Variants in SPHKAP observed in about 807,000 individuals in gnomAD.
SPHKAP encodes the protein SPHK1 interactor, AKAP domain containing.
Under a neutral mutation model 137.5 loss-of-function variants are expected in SPHKAP, and 67 were observed. The ratio of observed to expected loss-of-function variants is 0.49; its 90% CI spans 0.40 to 0.60. The LOEUF is 0.60. SPHKAP is among the 20% of genes least tolerant of loss of function. The pLI, the probability that SPHKAP is intolerant of heterozygous loss-of-function variation, is 0.00. For synonymous variants in SPHKAP, 813 were observed against 785.3 expected, an observed-to-expected ratio of 1.04 and a Z score of -0.59; for missense variants, 2,097 against 2,069.3, an observed-to-expected ratio of 1.01 and a Z score of -0.26.
rs779273312 is a variant in SPHKAP at position 228,018,215 on chromosome 2, T to C, written c.2639A>G (p.His880Arg). The C allele has an allele frequency of 7.4e-6, 12 of 1,613,994 alleles. No homozygotes were observed. The highest frequency in any genetic ancestry group is 5.3e-5 in the African/African-American group (4 of 74,902). ...SGSQEAEESI[H>R]PNTQEKYNCA... ...GTTGTACTTTTCTTGGGTGTTTGGG[T>C]GGATACTCTCCTCAGCCTCCTGGGA... is the stretch of plus-strand genomic sequence containing the variant. The change falls in exon 7 of 12, where the codon CAC (histidine) becomes CGC (arginine). Residue 880 changes from histidine (H) to arginine (R), a missense_variant. His to Arg is a conservative substitution (Grantham distance 29). Transcript: ENST00000392056.
Position 228,017,576 on chromosome 2 carries a change from G to GC in SPHKAP, c.3277dup (p.Ala1093GlyfsTer31). ...GCCCAGGCTGTTGACATAGGCCCTG[G>GC]CCTCGGAGTCTTCCTCAGGAATGCT... On this transcript the variant is annotated frameshift_variant, in exon 7 of 12. Coordinates refer to ENST00000392056, the MANE Select transcript of SPHKAP (RefSeq NM_001142644.2). LOFTEE classifies it high-confidence loss of function. 6.2e-7 allele frequency: 1 copy of GC among 1,613,832 alleles called. No homozygotes were observed. The highest frequency in any genetic ancestry group is 8.5e-7 in the Non-Finnish European group (1 of 1,180,012).
intron 3 of SPHKAP, among the ~76,000 whole-genome samples, chr2:228,107,064 T>C (rs1574855382): frequency 7.6e-6 from 1 of 132,402 alleles, no homozygotes; most frequent in Non-Finnish European, 1.7e-5. Context: ...TTAACTCACG[T>C]AGTTATCATT....
At position 228,097,670 on chromosome 2, in the gene SPHKAP, C is replaced by T. The variant is rs1230821324; in HGVS notation, c.246+11162G>A. On this transcript the variant is annotated intron_variant, in intron 3 of 11. Coordinates refer to ENST00000392056, the MANE Select transcript of SPHKAP (RefSeq NM_001142644.2). The stretch of plus-strand genomic sequence containing the variant: ...TCTCTTGCCTCTTCCCACACTCCAT[C>T]TCTAGCAGTCTCCAGTGTCTGTTGT... Among the ~76,000 whole-genome samples, 6 of 152,274 alleles carry T rather than the reference C, an allele frequency of 3.9e-5. No homozygotes were observed. The East Asian group carries it at 1.2e-3, about 29-fold the overall frequency.
intron 3 of SPHKAP, among the ~76,000 whole-genome samples, chr2:228,029,409 T>C (rs1440088588): frequency 6.6e-6 from 1 of 152,160 alleles, no homozygotes; most frequent in African/African-American, 2.4e-5. Context: ...GAAATAGAAG[T>C]GTAAAGATCA....
At chr2:228,008,776 T>C (rs766017999) in intron 7 of SPHKAP, among the ~76,000 whole-genome samples, 2 of 152,116 alleles carry the variant, frequency 1.3e-5, no homozygotes, top group Non-Finnish European at 2.9e-5. Flanking sequence ...TGTTTCTTTG[T>C]CAAAGATCCA....
At chr2:228,146,946 A>T (rs994545333) in intron 1 of SPHKAP, among the ~76,000 whole-genome samples, 1 of 152,136 alleles carries the variant, frequency 6.6e-6, no homozygotes, top group African/African-American at 2.4e-5. Flanking sequence ...TTATATCTTC[A>T]CCCCTCAATG....
intron 2 of SPHKAP, among the ~76,000 whole-genome samples, chr2:228,112,007 T>C (rs769006271): frequency 1.3e-5 from 2 of 152,188 alleles, no homozygotes; most frequent in South Asian, 2.1e-4. Context: ...CTTTTTGTGA[T>C]GTAAATTATA....
chr2:227,990,546 TAATA>T (rs1472572185), intron 11 of SPHKAP, among the ~76,000 whole-genome samples: 1 of 152,136 alleles, frequency 6.6e-6, no homozygotes, highest in Non-Finnish European at 1.5e-5. Flanking sequence ...AGGTGGAGAA[TAATA>T]AATAAAAAGT....
intron 3 of SPHKAP, among the ~76,000 whole-genome samples, chr2:228,045,557 A>G (rs935286631): frequency 6.6e-6 from 1 of 151,922 alleles, no homozygotes; most frequent in Non-Finnish European, 1.5e-5. Flanking sequence ...ATGAGAACAC[A>G]TGGACACACG....
intron 11 of SPHKAP, 191 bp from the exon 12 acceptor site, chr2:227,982,051 ATTTT>A (rs3082640): frequency 0.028 from 26,708 of 939,194 alleles, 111 homozygotes; most frequent in East Asian, 0.035. Context: ...CATCAAGTGA[ATTTT>A]TTTTTTTTTT....
At chr2:228,072,888 C>T (rs1339518166) in intron 3 of SPHKAP, among the ~76,000 whole-genome samples, 1 of 152,246 alleles carries the variant, frequency 6.6e-6, no homozygotes, top group African/African-American at 2.4e-5. Flanking sequence ...ACAGCTGATG[C>T]CCTGTGGAGC....
chr2:228,079,635 A>G (rs1050216677), intron 3 of SPHKAP, among the ~76,000 whole-genome samples: 1 of 152,192 alleles, frequency 6.6e-6, no homozygotes, highest in Non-Finnish European at 1.5e-5. Flanking sequence ...CCAGTGCCTG[A>G]CCAGCCCCTG....
intron 1 of SPHKAP, among the ~76,000 whole-genome samples, chr2:228,137,004 C>T (rs1410514446): frequency 1.3e-5 from 2 of 152,100 alleles, no homozygotes; most frequent in East Asian, 3.9e-4. Context: ...AAGGAGGCCA[C>T]TTCTCCTCTC....
At chr2:228,064,387 G>A (rs12694771) in intron 3 of SPHKAP, among the ~76,000 whole-genome samples, 43,898 of 152,092 alleles carry the variant, frequency 0.29, 6,616 homozygotes, top group East Asian at 0.41. Context: ...AATTTTTAGT[G>A]ACGTATAATG....
intron 1 of SPHKAP, among the ~76,000 whole-genome samples, chr2:228,148,045 A>G (rs1699829350): frequency 6.6e-6 from 1 of 152,192 alleles, no homozygotes; most frequent in African/African-American, 2.4e-5. Context: ...TGTTGTCCTC[A>G]CAGAATACAA....
At chr2:228,089,174 G>C (rs1472537233) in intron 3 of SPHKAP, among the ~76,000 whole-genome samples, 1 of 152,214 alleles carries the variant, frequency 6.6e-6, no homozygotes, top group East Asian at 1.9e-4. Flanking sequence ...CCCAGGCTGA[G>C]GAGGCCTCAG....
intron 3 of SPHKAP, among the ~76,000 whole-genome samples, chr2:228,030,726 A>T (rs921480585): frequency 5.4e-5 from 8 of 146,864 alleles, no homozygotes; most frequent in Admixed American, 6.8e-5. Flanking sequence ...CCTCCATAAT[A>T]TTTTTTTTTT....
intron 3 of SPHKAP, among the ~76,000 whole-genome samples, chr2:228,038,126 A>C (rs1371795606): frequency 6.6e-6 from 1 of 152,188 alleles, no homozygotes; most frequent in African/African-American, 2.4e-5. Context: ...GAAGACAAAC[A>C]ATACAAGGCA....
At chr2:228,179,115 T>C (rs1700824339) in intron 1 of SPHKAP, among the ~76,000 whole-genome samples, 1 of 152,190 alleles carries the variant, frequency 6.6e-6, no homozygotes. Flanking sequence ...CTCAATGTTA[T>C]TAAATCATTT....
Sources: gnomAD v4.1 joint callset for allele counts (sites outside exome capture counted in the v4.1 genomes callset) on GRCh38, gnomAD v4.1.1 for gene constraint, MANE v1.5 for transcripts, NCBI Gene and HGNC (gene_info 2026-07-23, HGNC 2026-07-21) for gene names.